The following ESRRB variants were observed in gnomAD, a reference collection of about 807,000 sequenced individuals.
ESRRB encodes estrogen related receptor beta, also known as steroid hormone receptor ERR2.
Under a neutral mutation model 46.0 loss-of-function variants are expected in ESRRB, and 16 were observed. The observed-to-expected ratio is 0.35, with a 90% CI of 0.24 to 0.53. The LOEUF (loss-of-function observed/expected upper bound fraction) is 0.53, where lower values mean the gene tolerates loss of function less well. Among genes scored for constraint, ESRRB ranks in the 20% least tolerant of loss-of-function variants. The pLI is 0.93. For missense variants in ESRRB, 488 were observed against 607.4 expected (o/e 0.80, Z 2.07); for synonymous variants, 246 against 259.6 (o/e 0.95, Z 0.50).
chr14:76,447,738 T>C (rs1888212429), intron 2 of ESRRB, among the ~76,000 whole-genome samples: 1 of 151,990 alleles, frequency 6.6e-6, no homozygotes, highest in Non-Finnish European at 1.5e-5. Flanking sequence ...CACCCCGAAC[T>C]AACATCCCAG....
intron 3 of ESRRB, among the ~76,000 whole-genome samples, chr14:76,468,986 CCTT>C (rs760005139): frequency 3.3e-5 from 5 of 152,260 alleles, no homozygotes; most frequent in Admixed American, 6.5e-5. Flanking sequence ...CTGTTTTCTG[CCTT>C]CTTCTTGGTA....
intron 6 of ESRRB, among the ~76,000 whole-genome samples, chr14:76,497,704 G>A (rs1158563378): frequency 6.6e-6 from 1 of 152,156 alleles, no homozygotes; most frequent in Non-Finnish European, 1.5e-5. Flanking sequence ...CCTGGCAGCG[G>A]CAGCTGCAGT....
At chr14:76,420,801 T>A (rs914903745) in intron 1 of ESRRB, among the ~76,000 whole-genome samples, 1 of 151,810 alleles carries the variant, frequency 6.6e-6, no homozygotes, top group African/African-American at 2.4e-5. Flanking sequence ...GTATCAGGGG[T>A]TCCCATTTCA....
At chr14:76,379,050 T>G (rs909041394) in intron 1 of ESRRB, among the ~76,000 whole-genome samples, 1 of 152,134 alleles carries the variant, frequency 6.6e-6, no homozygotes, top group African/African-American at 2.4e-5. Flanking sequence ...CCCTTTTGCT[T>G]CTAACACATA....
Position 76,465,928 on chromosome 14 carries a change from G to A in ESRRB, c.577+3267G>A, listed in dbSNP as rs370507813. ...ATCCTGGGATCTGAAGCTCCGTGGGGACCGACCCCCTTGGGAGGAGCATCC... is the reference window on the plus strand; with the variant it reads ...ATCCTGGGATCTGAAGCTCCGTGGGAACCGACCCCCTTGGGAGGAGCATCC... On this transcript the variant is annotated intron_variant, in intron 3 of 6. Transcript: ENST00000644823. Among the ~76,000 whole-genome samples, 119 of 152,330 alleles carry A rather than the reference G, an allele frequency of 7.8e-4. 2 individuals are homozygous for A. In the South Asian group the frequency reaches 0.024, roughly 30 times the overall value.
At chr14:76,486,569 TC>T (rs1010002201) in intron 5 of ESRRB, among the ~76,000 whole-genome samples, 1 of 148,638 alleles carries the variant, frequency 6.7e-6, no homozygotes, top group Admixed American at 6.8e-5. Context: ...TTTTTTTTTT[TC>T]CCCCTTCAAT....
intron 1 of ESRRB, among the ~76,000 whole-genome samples, chr14:76,426,710 T>C (rs989214546): frequency 6.6e-6 from 1 of 151,596 alleles, no homozygotes; most frequent in Non-Finnish European, 1.5e-5. Flanking sequence ...GCTGCAAGAG[T>C]GTCAAGCATG....
intron 5 of ESRRB, among the ~76,000 whole-genome samples, chr14:76,486,379 C>G (rs934764738): frequency 1.3e-5 from 2 of 152,180 alleles, no homozygotes; most frequent in Non-Finnish European, 2.9e-5. Context: ...GCACTGCTCC[C>G]AGGTAGCCCC....
intron 3 of ESRRB, among the ~76,000 whole-genome samples, chr14:76,467,097 T>G (rs1867653): frequency 0.95 from 143,833 of 152,196 alleles, 68,034 homozygotes; most frequent in East Asian, 1. Context: ...CCTGCTTTCC[T>G]TCACCAGGTC....
At chr14:76,351,015 G>A (rs1476983464) in intron 1 of ESRRB, among the ~76,000 whole-genome samples, 2 of 152,170 alleles carry the variant, frequency 1.3e-5, no homozygotes, top group African/African-American at 4.8e-5. Context: ...TATTCAGTCA[G>A]GTAGAGGATG....
rs764181534 is a variant in ESRRB at position 76,491,603 on chromosome 14, C to A, written c.1007C>A (p.Ala336Glu). Residue 336 changes from alanine (A) to glutamate (E), a missense_variant, in exon 6 of 7, where the codon GCG (alanine) becomes GAG (glutamate). Transcript: ENST00000644823. Reference sequence around the variant, plus strand: ...ATGGATGAGGAGCACTCCCGCCTCGCGGGGCTGCTGGAGCTCTACCGGGCC... The same window carrying A: ...ATGGATGAGGAGCACTCCCGCCTCGAGGGGCTGCTGGAGCTCTACCGGGCC... ...YIMDEEHSRLAGLLELYRAIL... is the reference protein window; with the variant it reads ...YIMDEEHSRLEGLLELYRAIL... 9 of 1,586,532 alleles carry A rather than the reference C, an allele frequency of 5.7e-6. No individual in the cohort carries two copies. The highest frequency in any genetic ancestry group is 7.7e-6 in the Non-Finnish European group (9 of 1,167,300).
At chr14:76,390,028 A>G (rs1424312943) in intron 1 of ESRRB, among the ~76,000 whole-genome samples, 1 of 152,122 alleles carries the variant, frequency 6.6e-6, no homozygotes, top group African/African-American at 2.4e-5. Flanking sequence ...GGCAAATGCT[A>G]CAGATCCGCC....
chr14:76,397,386 C>T (rs1214732945), intron 1 of ESRRB, among the ~76,000 whole-genome samples: 8 of 152,252 alleles, frequency 5.3e-5, no homozygotes, highest in Middle Eastern at 3.4e-3. Flanking sequence ...CTGGAGTGAC[C>T]GCTCTGACTT....
intron 1 of ESRRB, among the ~76,000 whole-genome samples, chr14:76,418,112 T>C (rs866785140): frequency 6.6e-6 from 1 of 151,950 alleles, no homozygotes; most frequent in African/African-American, 2.4e-5. Flanking sequence ...CCCGCCACCA[T>C]GCGTGGCTAA....
intron 1 of ESRRB, among the ~76,000 whole-genome samples, chr14:76,420,283 G>A (rs919550358): frequency 5.9e-5 from 9 of 152,194 alleles, no homozygotes; most frequent in Admixed American, 3.9e-4. Context: ...GATGGTGAGG[G>A]CTCTCTGCTT....
Position 76,498,266 on chromosome 14 carries a change from G to A in ESRRB, c.1173G>A (p.Leu391=). The change falls in exon 7 of 7, where the codon CTG becomes CTA. Residue 391 remains leucine, a synonymous_variant. Coordinates refer to ENST00000644823, the MANE Select transcript of ESRRB (RefSeq NM_001379180.1). ...CTGTCCAGAAGCTGCAGGACCTGCTGCACGAGGCACTGCAGGACTACGAGC... is the reference window on the plus strand; with the variant it reads ...CTGTCCAGAAGCTGCAGGACCTGCTACACGAGGCACTGCAGGACTACGAGC... ...LEAVQKLQDL[L]HEALQDYELS... The A allele has an allele frequency of 6.2e-7, 1 of 1,613,858 alleles. No homozygotes were observed. The highest frequency in any genetic ancestry group is 8.5e-7 in the Non-Finnish European group (1 of 1,180,008).
At chr14:76,392,351 T>G (rs1227504813) in intron 1 of ESRRB, among the ~76,000 whole-genome samples, 1 of 152,134 alleles carries the variant, frequency 6.6e-6, no homozygotes, top group East Asian at 1.9e-4. Context: ...GTGCTAGAAT[T>G]TATCAACTTG....
chr14:76,383,918 G>A (rs74069859), intron 1 of ESRRB, among the ~76,000 whole-genome samples: 5,992 of 152,240 alleles, frequency 0.039, 169 homozygotes, highest in East Asian at 0.13. Flanking sequence ...GGCGCGTGGT[G>A]ATAGGGGCTG....
chr14:76,473,413 CTGGATAGTAGCTGATG>C (rs1889449127), intron 3 of ESRRB, among the ~76,000 whole-genome samples: 1 of 152,222 alleles, frequency 6.6e-6, no homozygotes, highest in East Asian at 1.9e-4. Flanking sequence ...GACCTCAGAC[CTGGATAGTAGCTGATG>C]GGAGGGCAGA....
Sources: allele counts gnomAD v4.1 joint callset (sites outside exome capture counted in the v4.1 genomes callset), GRCh38; gene constraint gnomAD v4.1.1; transcripts MANE v1.5; gene names NCBI Gene and HGNC (gene_info 2026-07-23, HGNC 2026-07-21).